DOCK5: variants seen among roughly 807,000 people sequenced by gnomAD.
The protein encoded by DOCK5 is dedicator of cytokinesis 5, also known as dedicator of cytokinesis protein 5.
In DOCK5, 142 loss-of-function variants were observed where a neutral mutation model predicts 251.8. The observed-to-expected ratio is 0.56, with a 90% CI of 0.49 to 0.65. The LOEUF (loss-of-function observed/expected upper bound fraction) is 0.65. Ranked by LOEUF, DOCK5 falls within the 30% of genes least tolerant of loss-of-function variation. The probability of loss-of-function intolerance (pLI) is 0.00; values close to 1 mark genes in which losing one functional copy is unlikely to be tolerated. For synonymous variants in DOCK5, 842 were observed against 835.5 expected (o/e 1.01, Z -0.13); for missense variants, 2,111 against 2,312.3 (o/e 0.91, Z 1.79).
chr8:25,252,241 A>C (rs1208444747), intron 2 of DOCK5, among the ~76,000 whole-genome samples: 1 of 152,194 alleles, frequency 6.6e-6, no homozygotes, highest in African/African-American at 2.4e-5. Context: ...ATCCATGCAC[A>C]GTGGTCAGAA....
At chr8:25,409,271 A>G (rs1563235131) in intron 50 of DOCK5, among the ~76,000 whole-genome samples, 1 of 152,220 alleles carries the variant, frequency 6.6e-6, no homozygotes, top group East Asian at 1.9e-4. Context: ...AGGGACAAGA[A>G]ATAGACCCAT....
chr8:25,403,714 G>T lies in DOCK5; in HGVS notation c.5083G>T (p.Gly1695Ter). The part of the protein sequence containing the change: ...NSSDNAPSRP[G>*]SDGSILEPLL... ...GTCTGACAATGCTCCTTCCAGACCGGGATCTGATGGGTAAGGGTTTCATCT... is the reference window on the plus strand; with the variant it reads ...GTCTGACAATGCTCCTTCCAGACCGTGATCTGATGGGTAAGGGTTTCATCT... Residue 1695 changes from glycine to a stop codon, truncating the protein, a stop_gained, in exon 48 of 52, where the codon GGA becomes TGA. Coordinates refer to ENST00000276440, the MANE Select transcript of DOCK5 (RefSeq NM_024940.8). LOFTEE classifies it high-confidence loss of function. 6.2e-7 allele frequency: 1 copy of T among 1,613,792 alleles called. No individual in the cohort carries two copies. The highest frequency in any genetic ancestry group is 2.2e-5 in the East Asian group (1 of 44,860).
intron 27 of DOCK5, among the ~76,000 whole-genome samples, chr8:25,357,053 T>C (rs964204786): frequency 2.0e-5 from 3 of 151,518 alleles, no homozygotes; most frequent in African/African-American, 4.8e-5. Flanking sequence ...AGCAAAGATA[T>C]TGTTTTAGTA....
chr8:25,348,186 G>C (rs552153920), intron 26 of DOCK5, among the ~76,000 whole-genome samples: 1 of 151,970 alleles, frequency 6.6e-6, no homozygotes, highest in East Asian at 1.9e-4. Flanking sequence ...ACTGATATTT[G>C]TTCTTCCTGC....
At chr8:25,228,114 C>T (rs908755305) in intron 1 of DOCK5, among the ~76,000 whole-genome samples, 9 of 152,094 alleles carry the variant, frequency 5.9e-5, no homozygotes, top group East Asian at 1.9e-4. Flanking sequence ...TGGGCTCAAG[C>T]GATCTGCCTG....
intron 1 of DOCK5, among the ~76,000 whole-genome samples, chr8:25,219,671 G>A (rs1802331907): frequency 6.6e-6 from 1 of 151,426 alleles, no homozygotes; most frequent in Non-Finnish European, 1.5e-5. Context: ...TGGGAATAAT[G>A]CATATGTAGT....
intron 1 of DOCK5, among the ~76,000 whole-genome samples, chr8:25,219,105 G>A (rs953336786): frequency 9.2e-5 from 14 of 152,142 alleles, no homozygotes; most frequent in African/African-American, 3.4e-4. Context: ...GTTGGTAGAC[G>A]AGTATCTGCT....
At chr8:25,236,069 A>C (rs1802790412) in intron 1 of DOCK5, among the ~76,000 whole-genome samples, 1 of 152,172 alleles carries the variant, frequency 6.6e-6, no homozygotes, top group Non-Finnish European at 1.5e-5. Flanking sequence ...AAATGCTGGA[A>C]TGACAGACAT....
chr8:25,185,239 G>A (rs868766557), intron 1 of DOCK5, among the ~76,000 whole-genome samples: 1 of 152,058 alleles, frequency 6.6e-6, no homozygotes, highest in Non-Finnish European at 1.5e-5. Context: ...AAATGTCAAC[G>A]CGAGGGGGGC....
In DOCK5 at chr8:25,212,813, C is replaced by G. The variant is rs1802136355; in HGVS notation, c.43+27862C>G. On this transcript the variant is annotated intron_variant, in intron 1 of 51. Transcript: ENST00000276440. The stretch of plus-strand genomic sequence containing the variant: ...GATTCTAGATGGGGCTGACACCATC[C>G]TCTACCCTCCCCAGCCATGGCAGGG... 2.9e-5 allele frequency among the ~76,000 whole-genome samples: 2 copies of G among 69,320 alleles called. 1 individual carries two copies. Among genetic ancestry groups the G allele is most frequent in the Non-Finnish European group, 9.4e-5 (2 of 21,336 alleles). The allele number at this position is 69,320 out of a possible 152,430, so 45.5% of individuals were successfully genotyped here. A position where few individuals can be genotyped will look rare whatever the true frequency, so the allele number is the denominator to read the frequency against.
At chr8:25,285,423 G>A (rs181200166) in intron 5 of DOCK5, among the ~76,000 whole-genome samples, 1 of 152,170 alleles carries the variant, frequency 6.6e-6, no homozygotes, top group Non-Finnish European at 1.5e-5. Flanking sequence ...TGGGATACAG[G>A]TGTGAGCCAC....
chr8:25,295,650 T>G (rs1804599939), intron 6 of DOCK5, among the ~76,000 whole-genome samples: 1 of 152,124 alleles, frequency 6.6e-6, no homozygotes, highest in African/African-American at 2.4e-5. Context: ...CTCAAATAAT[T>G]GTTCATTGGT....
rs772685768 is a variant in DOCK5, at chr8:25,345,642, A to G, written c.2754+31A>G. On this transcript the variant is annotated intron_variant, in intron 26 of 51. Transcript: ENST00000276440. ...TTGAGTCATCACTGATGCTGCACAG[A>G]GTTCACACTGTCCCCTTTGCACCAG... 1.9e-6 allele frequency: 3 copies of G among 1,611,194 alleles called. No individual in the cohort carries two copies. In the Admixed American group the frequency reaches 5.0e-5, roughly 27 times the overall value.
At chr8:25,271,492 AT>A (rs1803911092) in intron 3 of DOCK5, among the ~76,000 whole-genome samples, 1 of 152,122 alleles carries the variant, frequency 6.6e-6, no homozygotes, top group African/African-American at 2.4e-5. Flanking sequence ...TGTGTCCCTC[AT>A]TTCTCCGTCT....
intron 47 of DOCK5, among the ~76,000 whole-genome samples, chr8:25,401,689 A>G (rs1033569043): frequency 4.6e-5 from 7 of 151,924 alleles, no homozygotes; most frequent in African/African-American, 1.5e-4. Flanking sequence ...AGCCGAGATC[A>G]CACCATTGCA....
intron 8 of DOCK5, chr8:25,299,415 A>T (rs1804700650): frequency 3.9e-6 from 1 of 258,430 alleles, no homozygotes; most frequent in African/African-American, 2.2e-5. Context: ...AGCACAGAGG[A>T]TTTTTAGAGC....
chr8:25,242,170 C>A lies in DOCK5; in HGVS notation c.44-1504C>A, dbSNP rs73558457. On this transcript the variant is annotated intron_variant, in intron 1 of 51. Coordinates refer to ENST00000276440, the MANE Select transcript of DOCK5 (RefSeq NM_024940.8). ...AGAATAATTAAAAAAAAAACCTTAACTTAATCAACTCTTTTGCCTTACAGG... is the reference window on the plus strand; with the variant it reads ...AGAATAATTAAAAAAAAAACCTTAAATTAATCAACTCTTTTGCCTTACAGG... Among the ~76,000 whole-genome samples, 523 of 152,090 alleles carry A rather than the reference C, an allele frequency of 3.4e-3. 2 individuals carry two copies. Among genetic ancestry groups the A allele is most frequent in the African/African-American group, 0.012 (501 of 41,502 alleles).
chr8:25,348,828 ACT>A (rs34605788), intron 26 of DOCK5, among the ~76,000 whole-genome samples: 1,980 of 146,720 alleles, frequency 0.013, 40 homozygotes, highest in African/African-American at 0.043. Context: ...ACAGAGCGAG[ACT>A]CTGTCTCAAA....
intron 1 of DOCK5, among the ~76,000 whole-genome samples, chr8:25,216,253 A>C (rs1427321615): frequency 1.2e-3 from 29 of 24,966 alleles, no homozygotes; most frequent in South Asian, 9.4e-3. Flanking sequence ...TACAATATGT[A>C]TATATGTATA....
Sources: gnomAD v4.1 joint callset for allele counts (sites outside exome capture counted in the v4.1 genomes callset) on GRCh38, gnomAD v4.1.1 for gene constraint, MANE v1.5 for transcripts, NCBI Gene and HGNC (gene_info 2026-07-23, HGNC 2026-07-21) for gene names.